HEATR4: variants seen among roughly 807,000 people sequenced by gnomAD.
The protein encoded by HEATR4 is HEAT repeat-containing protein 4.
In HEATR4, 95 loss-of-function variants were observed where a neutral mutation model predicts 108.8. The observed-to-expected ratio is 0.87, with a 90% CI of 0.74 to 1.04. The LOEUF is 1.04. HEATR4 is among the 50% of genes least tolerant of loss of function. The pLI is 0.00. For synonymous variants in HEATR4, 443 were observed against 459.4 expected (o/e 0.96, Z 0.46); for missense variants, 1,152 against 1,253.8 (o/e 0.92, Z 1.23).
At chr14:73,512,255 CA>C in intron 6 of HEATR4, 106 bp from the exon 7 acceptor site, 1 of 1,276,360 alleles carries the variant, frequency 7.8e-7, no homozygotes, top group Non-Finnish European at 1.1e-6. Flanking sequence ...ATAATTCAAG[CA>C]AAACATTAGC....
the HEATR4 span, among the ~76,000 whole-genome samples, chr14:73,604,319 C>A: frequency 6.6e-6 from 1 of 151,702 alleles, no homozygotes; most frequent in Non-Finnish European, 1.5e-5. Flanking sequence ...CGCCTGCCAC[C>A]ATGCCTGGCT....
Position 73,558,917 on chromosome 14 carries a change from A to G in HEATR4, c.-318T>C, listed in dbSNP as rs1258587106. 6.6e-6 allele frequency: 1 copy of G among 151,652 alleles called. No homozygotes were observed. Among genetic ancestry groups the G allele is most frequent in the Non-Finnish European group, 1.5e-5 (1 of 67,902 alleles). The allele number at this position is 151,652 out of a possible 1,614,324, so 9.4% of individuals were successfully genotyped here. On this transcript the variant is annotated 5_prime_UTR_variant, in exon 1 of 18. An upstream start codon of the reference 5' UTR is lost. Coordinates refer to ENST00000553558, the MANE Select transcript of HEATR4 (RefSeq NM_001220484.1). ...TCCTCAGAGAGAAGCAAGGTTCTGCATCTTAAGCCTTCCTTGGTTTCTTAG... is the reference window on the plus strand; with the variant it reads ...TCCTCAGAGAGAAGCAAGGTTCTGCGTCTTAAGCCTTCCTTGGTTTCTTAG...
At position 73,544,114 on chromosome 14, in the gene HEATR4, G is replaced by A. The variant is rs1889192145; in HGVS notation, c.-151-13870C>T. 1.8e-5 allele frequency among the ~76,000 whole-genome samples: 2 copies of A among 114,238 alleles called. 1 individual carries two copies. Among genetic ancestry groups the A allele is most frequent in the Non-Finnish European group, 3.8e-5 (2 of 52,486 alleles). The allele number at this position is 114,238 out of a possible 152,430, so 74.9% of individuals were successfully genotyped here. ...TTGAGACCAGCCTGGCCAACATGGTGAAACCCCATCTCTACTAAAAATACA... is the reference window on the plus strand; with the variant it reads ...TTGAGACCAGCCTGGCCAACATGGTAAAACCCCATCTCTACTAAAAATACA... On this transcript the variant is annotated intron_variant, in intron 1 of 17. Coordinates refer to ENST00000553558, the MANE Select transcript of HEATR4 (RefSeq NM_001220484.1).
At chr14:73,593,740 A>T in the HEATR4 span, 19 of 1,613,506 alleles carry the variant, frequency 1.2e-5, no homozygotes, top group Non-Finnish European at 1.4e-5. Flanking sequence ...CATCTTTGGT[A>T]TTGGAGGGGG....
At chr14:73,608,415 A>C in the HEATR4 span, among the ~76,000 whole-genome samples, 1 of 151,924 alleles carries the variant, frequency 6.6e-6, no homozygotes. Flanking sequence ...AGCAAGAGTG[A>C]CCTTTACTTC....
the HEATR4 span, among the ~76,000 whole-genome samples, chr14:73,587,148 CA>C: frequency 1.4e-5 from 2 of 145,760 alleles, no homozygotes; most frequent in Non-Finnish European, 3.0e-5. Flanking sequence ...AAAACAAAAA[CA>C]AAAAAAAGAT....
intron 10 of HEATR4, among the ~76,000 whole-genome samples, chr14:73,504,089 T>C (rs1013240410): frequency 2.1e-4 from 32 of 151,576 alleles, no homozygotes; most frequent in African/African-American, 7.5e-4. Context: ...TTTTTTTTTT[T>C]TTTTTGAGAC....
At chr14:73,597,597 T>C in the HEATR4 span, among the ~76,000 whole-genome samples, 20 of 141,996 alleles carry the variant, frequency 1.4e-4, no homozygotes, top group Admixed American at 2.8e-4. Context: ...TTTTCTTTTT[T>C]TTTTTTTTTT....
At chr14:73,513,871 C>T (rs1210236906) in intron 6 of HEATR4, among the ~76,000 whole-genome samples, 160 bp downstream of exon 6, 1 of 151,398 alleles carries the variant, frequency 6.6e-6, no homozygotes, top group Non-Finnish European at 1.5e-5. Flanking sequence ...GTTCATCTAA[C>T]ACCCAATGTG....
chr14:73,615,733 CAACA>C, the HEATR4 span, among the ~76,000 whole-genome samples: 32,613 of 150,276 alleles, frequency 0.22, 3,830 homozygotes, highest in Non-Finnish European at 0.24. Flanking sequence ...AACCTTGTCT[CAACA>C]AACAAACAAA....
the HEATR4 span, among the ~76,000 whole-genome samples, chr14:73,586,008 CA>C: frequency 2.5e-4 from 11 of 44,862 alleles, no homozygotes; most frequent in East Asian, 1.4e-3. Context: ...GACTCTGTCG[CA>C]AAAAAAAAAA....
the HEATR4 span, among the ~76,000 whole-genome samples, chr14:73,618,463 C>T: frequency 2.0e-5 from 3 of 151,328 alleles, no homozygotes; most frequent in Non-Finnish European, 2.9e-5. Flanking sequence ...TTAAGGTCCA[C>T]GAAGGAGCCA....
intron 17 of HEATR4, chr14:73,490,825 C>T (rs534239055): frequency 5.9e-6 from 3 of 510,886 alleles, no homozygotes; most frequent in South Asian, 1.7e-4. Context: ...TTGCCGCTGC[C>T]GCTACAGCTT....
chr14:73,633,055 A>G, the HEATR4 span, among the ~76,000 whole-genome samples: 1 of 133,098 alleles, frequency 7.5e-6, no homozygotes, highest in Non-Finnish European at 1.5e-5. Context: ...CCCAAGCTGG[A>G]GTGCAATGGC....
chr14:73,569,904 G>C, the HEATR4 span: 1 of 1,596,414 alleles, frequency 6.3e-7, no homozygotes. Flanking sequence ...TCCGCTAATT[G>C]TTCCGTGTTC....
the HEATR4 span, among the ~76,000 whole-genome samples, chr14:73,591,119 T>C: frequency 1.8e-4 from 28 of 151,910 alleles, no homozygotes; most frequent in African/African-American, 6.5e-4. Flanking sequence ...GGTGGTGCGC[T>C]GTCTGTAGTC....
intron 17 of HEATR4, among the ~76,000 whole-genome samples, chr14:73,484,756 T>TTC (rs1174374182): frequency 6.6e-6 from 1 of 151,986 alleles, no homozygotes; most frequent in Admixed American, 6.6e-5. Context: ...CAGAGGGAAC[T>TTC]TCTTTCTGTC....
the HEATR4 span, among the ~76,000 whole-genome samples, chr14:73,600,423 G>A: frequency 6.6e-6 from 1 of 151,988 alleles, no homozygotes; most frequent in African/African-American, 2.4e-5. Flanking sequence ...AGCTCATAGT[G>A]GAACTGGAAT....
In HEATR4 at chr14:73,522,641, T is replaced by C; in HGVS notation, c.512A>G (p.His171Arg). 2.5e-6 allele frequency: 4 copies of C among 1,614,216 alleles called. No homozygotes were observed. The highest frequency in any genetic ancestry group is 2.5e-6 in the Non-Finnish European group (3 of 1,180,020). Residue 171 changes from histidine (H) to arginine (R), a missense_variant, in exon 3 of 18, where the codon CAT becomes CGT. Coordinates refer to ENST00000553558, the MANE Select transcript of HEATR4 (RefSeq NM_001220484.1). ...PRPLIHHPCM[H>R]PDMLGRPPSL... The stretch of plus-strand genomic sequence containing the variant: ...AGGTGGCCGACCCAGCATATCTGGA[T>C]GCATGCAGGGATGATGGATGAGAGG...
Sources: gnomAD v4.1 joint callset for allele counts (sites outside exome capture counted in the v4.1 genomes callset) on GRCh38, gnomAD v4.1.1 for gene constraint, MANE v1.5 for transcripts, NCBI Gene and HGNC (gene_info 2026-07-23, HGNC 2026-07-21) for gene names.